The following ERC2 variants were observed in gnomAD, a reference collection of about 807,000 sequenced individuals.
The protein encoded by ERC2 is ERC protein 2.
ERC2 carries 42 observed loss-of-function variants against 114.8 expected under a neutral mutation model. The ratio of observed to expected loss-of-function variants is 0.37; its 90% CI spans 0.29 to 0.47. The LOEUF is 0.47. Ranked by LOEUF, ERC2 falls within the 20% of genes least tolerant of loss-of-function variation. The pLI is 0.99. For synonymous variants in ERC2, 454 were observed against 425.5 expected (o/e 1.07, Z -0.82); for missense variants, 939 against 1,150.7 (o/e 0.82, Z 2.66).
chr3:55,581,664 T>C (rs1575648814), intron 17 of ERC2, among the ~76,000 whole-genome samples: 1 of 152,198 alleles, frequency 6.6e-6, no homozygotes, highest in Non-Finnish European at 1.5e-5. Flanking sequence ...TGTGAACCTC[T>C]TGAAATGATA....
chr3:55,706,201 C>T (rs2063474529), intron 15 of ERC2, among the ~76,000 whole-genome samples: 1 of 152,166 alleles, frequency 6.6e-6, no homozygotes, highest in Admixed American at 6.5e-5. Context: ...ACTAGGTCCT[C>T]AGCAGTGGGA....
intron 17 of ERC2, among the ~76,000 whole-genome samples, chr3:55,527,281 A>G (rs778052735): frequency 6.6e-6 from 1 of 152,216 alleles, no homozygotes; most frequent in African/African-American, 2.4e-5. Context: ...AGAGGTGTTG[A>G]GAGAAATAGC....
chr3:55,583,443 CTCCCTCCCTCCT>C (rs2057391037), intron 17 of ERC2, among the ~76,000 whole-genome samples: 1 of 115,014 alleles, frequency 8.7e-6, no homozygotes, highest in African/African-American at 3.5e-5. Context: ...TCCTTCCTTC[CTCCCTCCCTCCT>C]TCCCCTCTCT....
At chr3:55,681,593 G>A in intron 17 of ERC2, among the ~76,000 whole-genome samples, 1 of 152,040 alleles carries the variant, frequency 6.6e-6, no homozygotes, top group Middle Eastern at 3.2e-3. Flanking sequence ...AAAAGCCTGA[G>A]GATATCTAAG....
At chr3:56,348,032 T>C (rs1280611291) in intron 2 of ERC2, among the ~76,000 whole-genome samples, 1 of 152,204 alleles carries the variant, frequency 6.6e-6, no homozygotes, top group Non-Finnish European at 1.5e-5. Flanking sequence ...AGTGGACACA[T>C]AATTCTCAAT....
intron 7 of ERC2, among the ~76,000 whole-genome samples, chr3:56,042,429 T>G (rs1459813418): frequency 1.3e-5 from 2 of 152,182 alleles, no homozygotes; most frequent in Non-Finnish European, 2.9e-5. Flanking sequence ...TCAGTAAATA[T>G]TCCTCAACTG....
intron 4 of ERC2, among the ~76,000 whole-genome samples, chr3:56,165,647 T>G (rs1334796324): frequency 1.3e-5 from 2 of 152,098 alleles, no homozygotes; most frequent in Admixed American, 6.6e-5. Flanking sequence ...ATTAGGTCTT[T>G]TATAGCTATT....
intron 17 of ERC2, among the ~76,000 whole-genome samples, chr3:55,512,277 A>G (rs1043868952): frequency 1.3e-5 from 2 of 152,236 alleles, no homozygotes; most frequent in African/African-American, 4.8e-5. Context: ...GAACTCTGCT[A>G]ATTCATACTC....
chr3:56,425,608 G>T (rs369588248), intron 2 of ERC2, among the ~76,000 whole-genome samples: 3 of 109,002 alleles, frequency 2.8e-5, no homozygotes, highest in African/African-American at 1.0e-4. Context: ...AGCAGCATTT[G>T]TGTCACTACT....
chr3:56,050,574 C>A (rs981266119), intron 7 of ERC2, among the ~76,000 whole-genome samples: 1 of 152,156 alleles, frequency 6.6e-6, no homozygotes. Context: ...TGCTAAGCTC[C>A]ACAACTCCAC....
intron 14 of ERC2, among the ~76,000 whole-genome samples, chr3:55,776,491 C>T (rs2068629532): frequency 6.6e-6 from 1 of 152,052 alleles, no homozygotes; most frequent in Admixed American, 6.5e-5. Context: ...AGGAGCAGGT[C>T]CAGGGATTCA....
intron 6 of ERC2, among the ~76,000 whole-genome samples, chr3:56,089,985 T>C (rs962503930): frequency 6.6e-6 from 1 of 152,150 alleles, no homozygotes; most frequent in Non-Finnish European, 1.5e-5. Flanking sequence ...ACTGCCTTCT[T>C]CCCTTCTCTA....
At chr3:56,126,554 T>G (rs933397533) in intron 6 of ERC2, among the ~76,000 whole-genome samples, 35 of 152,030 alleles carry the variant, frequency 2.3e-4, no homozygotes, top group Non-Finnish European at 4.9e-4. Flanking sequence ...GGCCAAAAAT[T>G]TGAGATCAGC....
chr3:55,547,952 G>A (rs2054873761), intron 17 of ERC2, among the ~76,000 whole-genome samples: 1 of 152,202 alleles, frequency 6.6e-6, no homozygotes, highest in South Asian at 2.1e-4. Flanking sequence ...TTCTGCTCCA[G>A]AGGACCCCCA....
intron 3 of ERC2, among the ~76,000 whole-genome samples, chr3:56,295,244 C>T (rs1420938952): frequency 6.6e-6 from 1 of 152,218 alleles, no homozygotes; most frequent in Non-Finnish European, 1.5e-5. Flanking sequence ...CGTCTCCCTA[C>T]AGCAGTTTTG....
intron 15 of ERC2, among the ~76,000 whole-genome samples, chr3:55,715,706 G>A (rs2064081286): frequency 6.6e-6 from 1 of 152,126 alleles, no homozygotes; most frequent in Non-Finnish European, 1.5e-5. Flanking sequence ...GATTATTTAG[G>A]AACAGACATG....
chr3:56,082,809 T>A (rs2149762619), intron 6 of ERC2, among the ~76,000 whole-genome samples: 1 of 152,240 alleles, frequency 6.6e-6, no homozygotes, highest in East Asian at 1.9e-4. Flanking sequence ...CGGTCAAGCA[T>A]TACCACTTGA....
chr3:55,820,515 G>A (rs1351871288), intron 14 of ERC2, among the ~76,000 whole-genome samples: 3 of 152,150 alleles, frequency 2.0e-5, no homozygotes, highest in Non-Finnish European at 4.4e-5. Flanking sequence ...AACACTTACT[G>A]AGCACTTATG....
chr3:55,532,948 C>A (rs2053760896), intron 17 of ERC2, among the ~76,000 whole-genome samples: 1 of 152,160 alleles, frequency 6.6e-6, no homozygotes. Flanking sequence ...AGGAAAAAAA[C>A]AAACAAACAA....
Sources: allele counts gnomAD v4.1 joint callset (sites outside exome capture counted in the v4.1 genomes callset), GRCh38; gene constraint gnomAD v4.1.1; transcripts MANE v1.5; gene names NCBI Gene and HGNC (gene_info 2026-07-23, HGNC 2026-07-21).